LDLRAD3: variants seen among roughly 807,000 people sequenced by gnomAD.
LDLRAD3 encodes the protein low density lipoprotein receptor class A domain containing 3, also known as low-density lipoprotein receptor class A domain-containing protein 3.
Under a neutral mutation model 29.4 loss-of-function variants are expected in LDLRAD3, and 20 were observed. The ratio of observed to expected loss-of-function variants is 0.68; its 90% confidence interval spans 0.48 to 0.99. The LOEUF (loss-of-function observed/expected upper bound fraction) is 0.99. Among genes scored for constraint, LDLRAD3 ranks in the 50% least tolerant of loss-of-function variants. The pLI, the probability that LDLRAD3 is intolerant of heterozygous loss-of-function variation, is 0.00. For synonymous variants in LDLRAD3, 157 were observed against 192.7 expected (o/e 0.81, Z 1.53); for missense variants, 420 against 454.3 (o/e 0.92, Z 0.69).
At chr11:36,045,788 T>A (rs1464721084) in intron 2 of LDLRAD3, among the ~76,000 whole-genome samples, 1 of 151,816 alleles carries the variant, frequency 6.6e-6, no homozygotes, top group Non-Finnish European at 1.5e-5. Context: ...TGGTTTTTGG[T>A]TACATGGTAA....
chr11:35,991,132 C>T (rs1476764825), intron 1 of LDLRAD3, among the ~76,000 whole-genome samples: 1 of 152,212 alleles, frequency 6.6e-6, no homozygotes, highest in Non-Finnish European at 1.5e-5. Flanking sequence ...TAATGCACAG[C>T]TTCTGTTTGC....
chr11:35,960,490 G>T lies in LDLRAD3; in HGVS notation c.46+16346G>T, dbSNP rs187791260. Among the ~76,000 whole-genome samples, 207 of 152,290 alleles carry T rather than the reference G, an allele frequency of 1.4e-3. 4 individuals carry two copies. The highest frequency in any genetic ancestry group is 4.9e-3 in the African/African-American group (203 of 41,566). ...CTGCCCATTTATCCTCTCATTAGTGGTTTATGAGAGCATCTGTTTCTCCAC... is the reference window on the plus strand; with the variant it reads ...CTGCCCATTTATCCTCTCATTAGTGTTTTATGAGAGCATCTGTTTCTCCAC... On this transcript the variant is annotated intron_variant, in intron 1 of 5. Transcript: ENST00000315571.
chr11:35,990,155 G>T (rs1220459987), intron 1 of LDLRAD3, among the ~76,000 whole-genome samples: 2 of 152,102 alleles, frequency 1.3e-5, no homozygotes, highest in African/African-American at 2.4e-5. Flanking sequence ...CAGCTCTCAG[G>T]GTTGCCGTAA....
chr11:36,105,238 T>TGTGTGTGTGTGTGTGTGTGTGAGA (rs1343780985), intron 4 of LDLRAD3, among the ~76,000 whole-genome samples: 11 of 128,424 alleles, frequency 8.6e-5, no homozygotes, highest in East Asian at 7.5e-4. Context: ...TGTGTGTGTG[T>TGTGTGTGTGTGTGTGTGTGTGAGA]GAGAGAGAGA....
At chr11:36,170,804 CTT>C (rs763207036) in intron 4 of LDLRAD3, among the ~76,000 whole-genome samples, 17 of 138,246 alleles carry the variant, frequency 1.2e-4, no homozygotes, top group Non-Finnish European at 1.1e-4. Context: ...TGTATATCTT[CTT>C]TTTTTTTTTT....
chr11:36,082,643 T>C (rs1230501654), intron 3 of LDLRAD3, among the ~76,000 whole-genome samples: 1 of 152,246 alleles, frequency 6.6e-6, no homozygotes, highest in East Asian at 1.9e-4. Context: ...TGCTGTATAA[T>C]ATTCCCCTGG....
intron 1 of LDLRAD3, among the ~76,000 whole-genome samples, chr11:35,992,819 T>C (rs1251571025): frequency 1.3e-5 from 2 of 152,214 alleles, no homozygotes; most frequent in African/African-American, 4.8e-5. Flanking sequence ...AGCCATAGCA[T>C]TGTATACTTT....
intron 4 of LDLRAD3, among the ~76,000 whole-genome samples, chr11:36,108,039 G>A (rs557496333): frequency 9.2e-5 from 14 of 152,060 alleles, no homozygotes; most frequent in Non-Finnish European, 1.8e-4. Flanking sequence ...GGCCAGGCAC[G>A]GTGGCTCACT....
chr11:36,141,747 C>T (rs752104135), intron 4 of LDLRAD3, among the ~76,000 whole-genome samples: 3 of 152,056 alleles, frequency 2.0e-5, no homozygotes, highest in African/African-American at 4.8e-5. Context: ...GCCCCCGGCC[C>T]GAGCAGACAA....
At chr11:36,072,329 C>T (rs1852919950) in intron 2 of LDLRAD3, among the ~76,000 whole-genome samples, 1 of 152,208 alleles carries the variant, frequency 6.6e-6, no homozygotes, top group Non-Finnish European at 1.5e-5. Context: ...CTGTCCAGCT[C>T]TTTTGTATGA....
In LDLRAD3 at chr11:36,008,201, G is replaced by A. The variant is rs7124695; in HGVS notation, c.47-27902G>A. Among the ~76,000 whole-genome samples the A allele has an allele frequency of 3.0e-3, 453 of 152,258 alleles. 3 individuals are homozygous for A. The highest frequency in any genetic ancestry group is 0.011 in the African/African-American group (441 of 41,552). On this transcript the variant is annotated intron_variant, in intron 1 of 5. Coordinates refer to ENST00000315571, the MANE Select transcript of LDLRAD3 (RefSeq NM_174902.4). ...ATTTGTCATTTGTAAAGAACACTTGGGGACGCAAACCAGGCAGAATGGGTA... is the reference window on the plus strand; with the variant it reads ...ATTTGTCATTTGTAAAGAACACTTGAGGACGCAAACCAGGCAGAATGGGTA...
chr11:35,999,229 C>G (rs1297518475), intron 1 of LDLRAD3, among the ~76,000 whole-genome samples: 1 of 152,166 alleles, frequency 6.6e-6, no homozygotes, highest in African/African-American at 2.4e-5. Flanking sequence ...AATCAGTTAA[C>G]TGGGTGCAGC....
chr11:35,969,143 C>G (rs1395536128), intron 1 of LDLRAD3, among the ~76,000 whole-genome samples: 1 of 152,092 alleles, frequency 6.6e-6, no homozygotes. Context: ...CAGATGCAGC[C>G]AGGATTTCAA....
chr11:36,070,849 C>T (rs1852888598), intron 2 of LDLRAD3, among the ~76,000 whole-genome samples: 1 of 152,142 alleles, frequency 6.6e-6, no homozygotes, highest in African/African-American at 2.4e-5. Flanking sequence ...TAGGACAGTC[C>T]TAAGAGCGAG....
chr11:35,954,450 A>T (rs1390762985), intron 1 of LDLRAD3, among the ~76,000 whole-genome samples: 1 of 152,084 alleles, frequency 6.6e-6, no homozygotes, highest in Non-Finnish European at 1.5e-5. Context: ...TTGTTGTTAT[A>T]CTCCAGAACC....
At chr11:36,030,142 G>A (rs1852217710) in intron 1 of LDLRAD3, among the ~76,000 whole-genome samples, 1 of 152,160 alleles carries the variant, frequency 6.6e-6, no homozygotes, top group Non-Finnish European at 1.5e-5. Flanking sequence ...TAGAGATCTG[G>A]CTGTGCTCAG....
chr11:36,157,757 CA>C (rs1590317751), intron 4 of LDLRAD3, among the ~76,000 whole-genome samples: 1 of 152,186 alleles, frequency 6.6e-6, no homozygotes, highest in Admixed American at 6.5e-5. Context: ...GGAGTGTCTC[CA>C]TTTCAGTTGT....
chr11:36,227,008 T>A, intron 4 of LDLRAD3, 77 bp from the exon 5 acceptor site: 10 of 1,165,400 alleles, frequency 8.6e-6, no homozygotes, highest in Middle Eastern at 2.0e-4. Flanking sequence ...ATGCAAGTTC[T>A]GGGGCTGATG....
intron 4 of LDLRAD3, among the ~76,000 whole-genome samples, chr11:36,106,415 T>C (rs746747669): frequency 6.6e-6 from 1 of 152,224 alleles, no homozygotes; most frequent in Non-Finnish European, 1.5e-5. Flanking sequence ...AGCTGGTGAC[T>C]GACCTTGATT....
Sources: allele counts gnomAD v4.1 joint callset (sites outside exome capture counted in the v4.1 genomes callset), GRCh38; gene constraint gnomAD v4.1.1; transcripts MANE v1.5; gene names NCBI Gene and HGNC (gene_info 2026-07-23, HGNC 2026-07-21).